The following CSNK2B variants were observed in gnomAD, a reference collection of about 807,000 sequenced individuals.
The protein encoded by CSNK2B is casein kinase 2 beta, also known as casein kinase II subunit beta.
In CSNK2B, 2 loss-of-function variants were observed where a neutral mutation model predicts 28.8. That is an observed-to-expected ratio of 0.07 (90% CI 0.03 to 0.22). The LOEUF is 0.22. CSNK2B is among the 10% of genes least tolerant of loss of function. The probability of loss-of-function intolerance (pLI) is 1.00; values close to 1 mark genes in which losing one functional copy is unlikely to be tolerated. For synonymous variants in CSNK2B, 89 were observed against 96.1 expected (o/e 0.93, Z 0.43); for missense variants, 107 against 277.9 (o/e 0.39, Z 4.37).
At chr6:31,668,010 C>T (rs1801904332) in intron 3 of CSNK2B, 40 bp downstream of exon 3, 1 of 1,300,976 alleles carries the variant, frequency 7.7e-7, no homozygotes, top group African/African-American at 1.5e-5. Context: ...TGTGCGTGCA[C>T]TATTTTTCTC....
Position 31,668,648 on chromosome 6 carries a change from C to T in CSNK2B, c.285C>T (p.Ala95=). 1.2e-6 allele frequency: 2 copies of T among 1,612,848 alleles called. No individual in the cohort carries two copies. The highest frequency in any genetic ancestry group is 1.7e-6 in the Non-Finnish European group (2 of 1,179,878). ...ACATCCTTACCAACCGTGGCATCGC[C>T]CAGATGGTGAGGCCTCTCTGCTCCT... is the stretch of plus-strand genomic sequence containing the variant. The part of the protein sequence containing the change: ...ARYILTNRGI[A]QMLEKYQQGD... Residue 95 remains alanine (A), a synonymous_variant, in exon 4 of 7, where the codon GCC becomes GCT. Transcript: ENST00000375882.
In CSNK2B at chr6:31,669,309, T is replaced by C. The variant is rs772868074; in HGVS notation, c.368-10T>C. On this transcript the variant is annotated splice_polypyrimidine_tract_variant and intron_variant, in intron 5 of 6. Coordinates refer to ENST00000375882, the MANE Select transcript of CSNK2B (RefSeq NM_001320.7). This position sits in a 1 kb window ranked among gnomAD's most constrained non-coding sequence, Gnocchi z 4.8. ...GGATACCTGGCCTGCTGAGTCTGGC[T>C]GTCTCCCAGGCCTTTCAGACATCCC... 52 of 1,609,114 alleles carry C rather than the reference T, an allele frequency of 3.2e-5. No individual in the cohort carries two copies. Among genetic ancestry groups the C allele is most frequent in the Non-Finnish European group, 4.2e-5 (49 of 1,176,206 alleles).
intron 1 of CSNK2B, 64 bp downstream of exon 1, chr6:31,666,272 G>A (rs1251111681): frequency 1.2e-6 from 1 of 854,014 alleles, no homozygotes; most frequent in Non-Finnish European, 1.4e-6. Context: ...GGGGTCTCCG[G>A]ACTTTGATGT....
At chr6:31,667,135 C>A (rs770069545) in intron 2 of CSNK2B, 3 of 686,100 alleles carry the variant, frequency 4.4e-6, no homozygotes, top group Non-Finnish European at 8.0e-6. Flanking sequence ...CAATTTGTGT[C>A]TTTTTCTTTT....
intron 2 of CSNK2B, 59 bp from the exon 3 acceptor site, chr6:31,667,809 C>A: frequency 1.0e-6 from 1 of 981,726 alleles, no homozygotes; most frequent in Non-Finnish European, 1.5e-6. Context: ...GAGCATTTTG[C>A]CCAGGTCAAA....
intron 1 of CSNK2B, chr6:31,666,497 C>G: frequency 2.4e-6 from 1 of 412,578 alleles, no homozygotes; most frequent in Non-Finnish European, 4.4e-6. Flanking sequence ...GGTAGGGAGC[C>G]TGAGTCGAGG....
chr6:31,668,685 T>C (rs1359923435), intron 4 of CSNK2B, 31 bp downstream of exon 4: 3 of 1,582,024 alleles, frequency 1.9e-6, no homozygotes, highest in Admixed American at 1.7e-5. Context: ...CCTGCCTCCT[T>C]CTGAGCAGTA....
intron 2 of CSNK2B, 160 bp downstream of exon 2, chr6:31,667,063 TG>T: frequency 1.4e-6 from 1 of 723,546 alleles, no homozygotes; most frequent in Non-Finnish European, 2.5e-6. Context: ...TGTGCTAAAG[TG>T]GCAAAACTGG....
chr6:31,666,265 G>A, intron 1 of CSNK2B, 57 bp downstream of exon 1: 1 of 893,206 alleles, frequency 1.1e-6, no homozygotes, highest in Non-Finnish European at 1.3e-6. Flanking sequence ...GGCACATGGG[G>A]TCTCCGGACT....
intron 2 of CSNK2B, chr6:31,667,152 G>A: frequency 1.5e-6 from 1 of 663,374 alleles, no homozygotes; most frequent in Non-Finnish European, 2.8e-6. Context: ...TTTTTTTTGA[G>A]ACTGGGTCTC....
At chr6:31,666,585 C>G in intron 1 of CSNK2B, 1 of 570,148 alleles carries the variant, frequency 1.8e-6, no homozygotes, top group Non-Finnish European at 3.1e-6. Context: ...GCTGGTGGGT[C>G]AAAGTATCTG....
intron 2 of CSNK2B, 23 bp downstream of exon 2, chr6:31,666,926 A>G (rs538444652): frequency 3.2e-6 from 5 of 1,583,572 alleles, no homozygotes; most frequent in East Asian, 2.2e-5. Flanking sequence ...CAACCTCCCT[A>G]CTTGCCAGCT....
chr6:31,667,342 G>A (rs2151183901), intron 2 of CSNK2B: 1 of 363,336 alleles, frequency 2.8e-6, no homozygotes, highest in Non-Finnish European at 5.4e-6. Flanking sequence ...ATGTTGGCCA[G>A]GCTGGTCTCG....
intron 2 of CSNK2B, 89 bp from the exon 3 acceptor site, chr6:31,667,779 T>G (rs1801881182): frequency 1.6e-6 from 1 of 637,462 alleles, no homozygotes; most frequent in Non-Finnish European, 2.7e-6. Flanking sequence ...GCAGTTGTGT[T>G]GATGATAAGG....
rs750642327 is a variant in CSNK2B, at chr6:31,668,524, C to T, written c.176-15C>T. ...TGAAAAACAAGTAGTTGCATTTGGC[C>T]GGGCTGTGTTTCAGATGAAGAACTG... On this transcript the variant is annotated splice_polypyrimidine_tract_variant and intron_variant, in intron 3 of 6. Transcript: ENST00000375882. 3.1e-5 allele frequency: 50 copies of T among 1,609,376 alleles called. 1 individual carries two copies. The highest frequency in any genetic ancestry group is 4.0e-5 in the African/African-American group (3 of 74,822).
rs1422333249 is a variant in CSNK2B at position 31,669,086 on chromosome 6, A to G, written c.292-11A>G. Reference sequence around the variant, plus strand: ...TCTACCTGCCAACCCCTTCCATTGTATTCACCTCAGTTGGAAAAGTACCAG... The same window carrying G: ...TCTACCTGCCAACCCCTTCCATTGTGTTCACCTCAGTTGGAAAAGTACCAG... On this transcript the variant is annotated splice_polypyrimidine_tract_variant and intron_variant, in intron 4 of 6. Coordinates refer to ENST00000375882, the MANE Select transcript of CSNK2B (RefSeq NM_001320.7). The surrounding 1 kb of genome is among the most constrained non-coding windows in gnomAD (Gnocchi z 4.8). The G allele has an allele frequency of 1.9e-6, 3 of 1,611,410 alleles. No homozygotes were observed. Among genetic ancestry groups the G allele is most frequent in the Non-Finnish European group, 1.7e-6 (2 of 1,178,546 alleles).
chr6:31,667,319 A>G (rs148907940), intron 2 of CSNK2B: 1 of 369,226 alleles, frequency 2.7e-6, no homozygotes, highest in Non-Finnish European at 5.3e-6. Flanking sequence ...TTTAGTAGAG[A>G]CAGGGTTTCA....
Position 31,669,982 on chromosome 6 carries a change from T to G in CSNK2B, c.*56T>G. 1.4e-6 allele frequency: 2 copies of G among 1,421,724 alleles called. No individual in the cohort carries two copies. Among genetic ancestry groups the G allele is most frequent in the Middle Eastern group, 3.6e-4 (2 of 5,624 alleles). 88.1% of individuals were successfully genotyped at this position (1,421,724 alleles called of 1,614,324 possible). Reference sequence around the variant, plus strand: ...ACTTTTCCTTTCTTTTTTGCCACCCTTTCAGGAACCCTGTATGGTTTTTAG... The same window carrying G: ...ACTTTTCCTTTCTTTTTTGCCACCCGTTCAGGAACCCTGTATGGTTTTTAG... On this transcript the variant is annotated 3_prime_UTR_variant, in exon 7 of 7. Transcript: ENST00000375882. This position sits in a 1 kb window ranked among gnomAD's most constrained non-coding sequence, Gnocchi z 4.8.
chr6:31,669,048 C>T lies in CSNK2B; in HGVS notation c.292-49C>T. On this transcript the variant is annotated intron_variant, in intron 4 of 6. Transcript: ENST00000375882. This position sits in a 1 kb window ranked among gnomAD's most constrained non-coding sequence, Gnocchi z 4.8. ...ATGGGTTGGGCTGCGAAGGGAGTTG[C>T]CTCTTCTTTACATCTACCTGCCAAC... 6.8e-7 allele frequency: 1 copy of T among 1,469,578 alleles called. No homozygotes were observed. Among genetic ancestry groups the T allele is most frequent in the South Asian group, 1.1e-5 (1 of 88,130 alleles). 91.0% of individuals were successfully genotyped at this position (1,469,578 alleles called of 1,614,324 possible). A position where few individuals can be genotyped will look rare whatever the true frequency, so the allele number is the denominator to read the frequency against.
Sources: allele counts gnomAD v4.1 joint callset, GRCh38; gene constraint gnomAD v4.1.1; non-coding constraint Gnocchi (gnomAD v3.1); transcripts MANE v1.5; gene names NCBI Gene and HGNC (gene_info 2026-07-23, HGNC 2026-07-21).